The following RTN4RL1 variants were observed in gnomAD, a reference collection of about 807,000 sequenced individuals.
RTN4RL1 encodes reticulon 4 receptor like 1.
In RTN4RL1, 7 loss-of-function variants were observed where a neutral mutation model predicts 25.6. That is an observed-to-expected ratio of 0.27 (90% CI 0.16 to 0.51). RTN4RL1 has a LOEUF of 0.51. RTN4RL1 is among the 20% of genes least tolerant of loss of function. The probability of loss-of-function intolerance (pLI) is 0.97; values close to 1 mark genes in which losing one functional copy is unlikely to be tolerated. For synonymous variants in RTN4RL1, 297 were observed against 288.2 expected (o/e 1.03, Z -0.31); for missense variants, 500 against 615.6 (o/e 0.81, Z 1.99).
At chr17:1,939,820 C>T (rs751679421) in intron 1 of RTN4RL1, among the ~76,000 whole-genome samples, 11 of 152,090 alleles carry the variant, frequency 7.2e-5, no homozygotes, top group Non-Finnish European at 1.5e-4. Flanking sequence ...GGGGCCGGCT[C>T]CAGGCCTCCA....
At chr17:1,974,073 AG>A (rs71375578) in intron 1 of RTN4RL1, among the ~76,000 whole-genome samples, 1 of 135,842 alleles carries the variant, frequency 7.4e-6, no homozygotes. Context: ...TATCCTTAGG[AG>A]GGGGGAAAGG....
chr17:1,939,322 C>T (rs932444692), intron 1 of RTN4RL1, among the ~76,000 whole-genome samples: 22 of 151,878 alleles, frequency 1.4e-4, no homozygotes, highest in Admixed American at 2.6e-4. Context: ...CACTGCACTC[C>T]AGCCTGGGCG....
In RTN4RL1 at chr17:1,936,837, G is replaced by T; in HGVS notation, c.985C>A (p.His329Asn). Reference sequence around the variant, plus strand: ...CTGGTGGGGCCGTGGGGTGAGTGGTGTTCCTTGCGGGCGGCCCTGTCGGTG... The same window carrying T: ...CTGGTGGGGCCGTGGGGTGAGTGGTTTTCCTTGCGGGCGGCCCTGTCGGTG... ...TTTDRAARKE[H>N]HSPHGPTRSK... Residue 329 changes from histidine to asparagine, a missense_variant, in exon 2 of 2, where the codon CAC (histidine) becomes AAC (asparagine). Transcript: ENST00000331238. 1.3e-6 allele frequency: 2 copies of T among 1,585,844 alleles called. No individual in the cohort carries two copies. The highest frequency in any genetic ancestry group is 1.7e-6 in the Non-Finnish European group (2 of 1,166,824).
intron 1 of RTN4RL1, among the ~76,000 whole-genome samples, chr17:1,957,980 C>T (rs921827961): frequency 1.3e-5 from 2 of 151,768 alleles, no homozygotes; most frequent in Non-Finnish European, 2.9e-5. Context: ...AGTTCAGGAC[C>T]AGCCTGGGTA....
rs1020312209 is a variant in RTN4RL1 at position 1,936,300 on chromosome 17, C to T, written c.*196G>A. ...GCTGGGACAGCCGGCTGAGAAGCGC[C>T]ACCCCCTCCCGCCTAGGGCTGTACA... On this transcript the variant is annotated 3_prime_UTR_variant, in exon 2 of 2. Coordinates refer to ENST00000331238, the MANE Select transcript of RTN4RL1 (RefSeq NM_178568.4). 6.2e-5 allele frequency: 86 copies of T among 1,377,388 alleles called. No homozygotes were observed. Among genetic ancestry groups the T allele is most frequent in the Non-Finnish European group, 7.5e-5 (80 of 1,072,872 alleles). The allele number at this position is 1,377,388 out of a possible 1,614,324, so 85.3% of individuals were successfully genotyped here.
Position 1,936,033 on chromosome 17 carries a change from C to T in RTN4RL1, c.*463G>A, listed in dbSNP as rs181535709. On this transcript the variant is annotated 3_prime_UTR_variant, in exon 2 of 2. Coordinates refer to ENST00000331238, the MANE Select transcript of RTN4RL1 (RefSeq NM_178568.4). Reference sequence around the variant, plus strand: ...GGCAAGAGCCAAGATGCCACCTGCTCGTGTGTGCCCAGACTGCTGGCCACC... The same window carrying T: ...GGCAAGAGCCAAGATGCCACCTGCTTGTGTGTGCCCAGACTGCTGGCCACC... The T allele has an allele frequency of 2.8e-4, 280 of 990,330 alleles. No individual in the cohort carries two copies. The African/African-American group carries it at 4.4e-3, about 15-fold the overall frequency. 61.3% of individuals were successfully genotyped at this position (990,330 alleles called of 1,614,324 possible).
At position 1,940,980 on chromosome 17, in the gene RTN4RL1, G is replaced by A. The variant is rs924662694; in HGVS notation, c.14-3172C>T. 3.7e-4 allele frequency among the ~76,000 whole-genome samples: 56 copies of A among 152,254 alleles called. 2 individuals carry two copies. Among genetic ancestry groups the A allele is most frequent in the Admixed American group, 2.4e-3 (37 of 15,294 alleles). ...TGGGCTGCAGCAAGAGAGGCCTTGC[G>A]GCAGGGGGACGGGGTGATATGTGTC... On this transcript the variant is annotated intron_variant, in intron 1 of 1. Coordinates refer to ENST00000331238, the MANE Select transcript of RTN4RL1 (RefSeq NM_178568.4).
At chr17:1,980,926 C>CCA (rs2066864486) in intron 1 of RTN4RL1, among the ~76,000 whole-genome samples, 1 of 87,148 alleles carries the variant, frequency 1.1e-5, no homozygotes, top group Non-Finnish European at 2.1e-5. Flanking sequence ...GATTCTATCT[C>CCA]AAAAAAAAAA....
chr17:1,983,162 T>TAGCTGGGATTAC (rs1431516253), intron 1 of RTN4RL1, among the ~76,000 whole-genome samples: 3 of 151,974 alleles, frequency 2.0e-5, no homozygotes, highest in African/African-American at 4.8e-5. Flanking sequence ...GCGATTACAG[T>TAGCTGGGATTAC]AGCTGGGATT....
chr17:1,948,996 G>A (rs1288668112), intron 1 of RTN4RL1, among the ~76,000 whole-genome samples: 4 of 151,454 alleles, frequency 2.6e-5, no homozygotes, highest in East Asian at 2.0e-4. Context: ...TCGCTCTGTC[G>A]CCCAGGCTGG....
chr17:1,936,788 G>T lies in RTN4RL1; in HGVS notation c.1034C>A (p.Pro345His). 1.3e-6 allele frequency: 2 copies of T among 1,588,254 alleles called. No homozygotes were observed. ...CCCCGGCTTCCTGTGGCCGGGCCGG[G>T]GGCCGTGCGGGTGGCCCTTGCTCCT... ...PTRSKGHPHG[P>H]RPGHRKPGKN... The change falls in exon 2 of 2, where the codon CCC (proline) becomes CAC (histidine). Residue 345 changes from proline to histidine, a missense_variant. Pro to His is a moderately conservative substitution (Grantham distance 77, BLOSUM62 -2). Around this residue, in one of 2 missense-constraint regions of RTN4RL1, gnomAD observed 268 missense variants for 274.5 expected, o/e 0.98. Coordinates refer to ENST00000331238, the MANE Select transcript of RTN4RL1 (RefSeq NM_178568.4).
chr17:1,988,517 AAAAAAG>A (rs368508222), intron 1 of RTN4RL1, among the ~76,000 whole-genome samples: 33,523 of 144,978 alleles, frequency 0.23, 4,230 homozygotes, highest in Admixed American at 0.26. Flanking sequence ...AAAAAAAAAA[AAAAAAG>A]AAAAGAAAAG....
At chr17:2,002,603 A>C (rs1413318919) in intron 1 of RTN4RL1, among the ~76,000 whole-genome samples, 1 of 145,122 alleles carries the variant, frequency 6.9e-6, no homozygotes, top group Non-Finnish European at 1.5e-5. Context: ...GTCTTTCTTT[A>C]TTTCCTCTCT....
intron 1 of RTN4RL1, among the ~76,000 whole-genome samples, chr17:2,024,520 C>T (rs915651184): frequency 3.3e-5 from 5 of 152,124 alleles, no homozygotes; most frequent in African/African-American, 9.7e-5. Context: ...ATGGAGGCTG[C>T]AAGTGCAAAA....
At chr17:1,953,390 G>T (rs1378213382) in intron 1 of RTN4RL1, among the ~76,000 whole-genome samples, 1 of 152,018 alleles carries the variant, frequency 6.6e-6, no homozygotes, top group Non-Finnish European at 1.5e-5. Context: ...TGGGTAGAGC[G>T]AGATCCCGTC....
chr17:1,973,804 C>T (rs944754670), intron 1 of RTN4RL1, among the ~76,000 whole-genome samples: 3 of 151,938 alleles, frequency 2.0e-5, no homozygotes, highest in African/African-American at 4.8e-5. Flanking sequence ...TTTGGGAGGC[C>T]GAGACAGGCG....
At chr17:1,952,430 G>A (rs1017466292) in intron 1 of RTN4RL1, among the ~76,000 whole-genome samples, 3 of 146,962 alleles carry the variant, frequency 2.0e-5, no homozygotes, top group African/African-American at 5.0e-5. Flanking sequence ...TCTGCCTCCC[G>A]GGTTCGAGTG....
At chr17:1,972,336 A>T (rs1013684876) in intron 1 of RTN4RL1, among the ~76,000 whole-genome samples, 12 of 1,346 alleles carry the variant, frequency 8.9e-3, no homozygotes, top group African/African-American at 0.014. Context: ...ATAAAAATTT[A>T]AAAAAAAAAG....
intron 1 of RTN4RL1, among the ~76,000 whole-genome samples, chr17:1,960,496 T>C (rs1338808189): frequency 6.6e-6 from 1 of 152,200 alleles, no homozygotes; most frequent in Non-Finnish European, 1.5e-5. Flanking sequence ...CTGGCCTCTG[T>C]TCCTAGACCA....
Sources: allele counts gnomAD v4.1 joint callset (sites outside exome capture counted in the v4.1 genomes callset), GRCh38; gene constraint gnomAD v4.1.1; regional missense constraint gnomAD v4.1.1; transcripts MANE v1.5; gene names NCBI Gene and HGNC (gene_info 2026-07-23, HGNC 2026-07-21).